ART3: variants seen among roughly 807,000 people sequenced by gnomAD.
ART3 encodes ecto-ADP-ribosyltransferase 3.
In ART3, 49 loss-of-function variants were observed where a neutral mutation model predicts 48.5. The observed-to-expected ratio is 1.01, with a 90% CI of 0.80 to 1.28. The LOEUF (loss-of-function observed/expected upper bound fraction) is 1.28, where lower values mean the gene tolerates loss of function less well. Ranked by LOEUF, ART3 falls within the 50% of genes most tolerant of loss-of-function variation. The pLI, the probability that ART3 is intolerant of heterozygous loss-of-function variation, is 0.00. For missense variants in ART3, 438 were observed against 454.3 expected (o/e 0.96, Z 0.33); for synonymous variants, 145 against 157.2 (o/e 0.92, Z 0.58).
At chr4:76,068,660 G>T (rs1719979390) in intron 1 of ART3, among the ~76,000 whole-genome samples, 1 of 128,202 alleles carries the variant, frequency 7.8e-6, no homozygotes, top group East Asian at 2.4e-4. Context: ...GAGGATAGAG[G>T]ATAAAAAAAA....
At chr4:76,034,081 C>CAGT (rs1174030658) in intron 1 of ART3, 1 of 180,722 alleles carries the variant, frequency 5.5e-6, no homozygotes, top group African/African-American at 2.3e-5. Flanking sequence ...GCACTTTTGC[C>CAGT]AGTATCCCAT....
chr4:76,029,628 A>G (rs1733701222), intron 1 of ART3, among the ~76,000 whole-genome samples: 1 of 152,202 alleles, frequency 6.6e-6, no homozygotes, highest in Non-Finnish European at 1.5e-5. Flanking sequence ...TGCTGACCAT[A>G]TCATAAAGAT....
chr4:76,098,177 G>T (rs1241799909), intron 4 of ART3, among the ~76,000 whole-genome samples: 3 of 147,864 alleles, frequency 2.0e-5, no homozygotes, highest in Non-Finnish European at 3.0e-5. Context: ...TAACTTCCTC[G>T]GGGAAAAATA....
At chr4:76,035,800 G>A (rs1734336771) in intron 1 of ART3, 2 of 775,022 alleles carry the variant, frequency 2.6e-6, no homozygotes, top group African/African-American at 3.5e-5. Flanking sequence ...TGCTAAAGCT[G>A]TAGTAACTTC....
intron 1 of ART3, among the ~76,000 whole-genome samples, chr4:76,059,065 G>A (rs1718939996): frequency 6.6e-6 from 1 of 152,212 alleles, no homozygotes; most frequent in Admixed American, 6.5e-5. Context: ...CACAAGAGTA[G>A]ATTACAGTCT....
intron 3 of ART3, among the ~76,000 whole-genome samples, chr4:76,090,095 A>C (rs1482028141): frequency 6.6e-6 from 1 of 152,122 alleles, no homozygotes; most frequent in African/African-American, 2.4e-5. Flanking sequence ...TAAATAAATA[A>C]ATAAAAATAT....
At chr4:76,036,247 G>C (rs1032995708) in intron 1 of ART3, 12 of 403,596 alleles carry the variant, frequency 3.0e-5, no homozygotes, top group African/African-American at 2.1e-4. Context: ...AAAGTGATAA[G>C]AATGTGAAAG....
At chr4:76,039,251 T>C (rs1345699828) in intron 1 of ART3, among the ~76,000 whole-genome samples, 1 of 152,094 alleles carries the variant, frequency 6.6e-6, no homozygotes, top group African/African-American at 2.4e-5. Flanking sequence ...AGGCATGTGT[T>C]ACCACGCCCA....
upstream of ART3, among the ~76,000 whole-genome samples, chr4:76,072,710 T>C (rs1330207131): frequency 6.6e-6 from 1 of 151,748 alleles, no homozygotes; most frequent in African/African-American, 2.4e-5. Flanking sequence ...GTTCTTACAG[T>C]GGCCTGCAGA....
chr4:76,049,110 T>G (rs2149447876), intron 1 of ART3, among the ~76,000 whole-genome samples: 1 of 152,090 alleles, frequency 6.6e-6, no homozygotes. Context: ...GTCCCCACTA[T>G]GACGGGGCTT....
intron 1 of ART3, among the ~76,000 whole-genome samples, chr4:76,025,516 C>T (rs1191241979): frequency 6.6e-6 from 1 of 152,256 alleles, no homozygotes; most frequent in African/African-American, 2.4e-5. Flanking sequence ...ATTGTTTGAA[C>T]TGCTTTGTGA....
intron 1 of ART3, among the ~76,000 whole-genome samples, chr4:76,011,921 G>A (rs1175656418): frequency 6.6e-6 from 1 of 152,212 alleles, no homozygotes; most frequent in East Asian, 1.9e-4. Flanking sequence ...GGCTAGACAA[G>A]GCTTTTAGGA....
chr4:76,060,486 C>T (rs147583476), intron 1 of ART3, among the ~76,000 whole-genome samples: 1 of 152,280 alleles, frequency 6.6e-6, no homozygotes, highest in East Asian at 1.9e-4. Context: ...ATTATGCTCT[C>T]TATCTGCAAG....
intron 2 of ART3, 46 bp downstream of exon 2, chr4:76,076,004 G>GC (rs1720966113): frequency 1.7e-6 from 2 of 1,194,740 alleles, no homozygotes; most frequent in Admixed American, 2.2e-5. Context: ...ATGGAAATTC[G>GC]TTTTTTTTTT....
chr4:76,088,724 A>T (rs1444322226), intron 3 of ART3, among the ~76,000 whole-genome samples: 1 of 152,192 alleles, frequency 6.6e-6, no homozygotes, highest in Non-Finnish European at 1.5e-5. Context: ...GACATATCCA[A>T]CACCATAAGA....
Position 76,107,782 on chromosome 4 carries a change from T to C in ART3, c.1025T>C (p.Ile342Thr), listed in dbSNP as rs865993011. ...TTAGAAGATAAAAGTCAAGGAAATA[T>C]CAACAATCCTAGTAAGAAGTATCTC... is the stretch of plus-strand genomic sequence containing the variant. ...PLPEDKSQGN[I>T]NNPTPGPVPV... Residue 342 changes from isoleucine (I) to threonine (T), a missense_variant, in exon 11 of 12, where the codon ATC becomes ACC. Ile to Thr is a moderately conservative substitution (Grantham distance 89, BLOSUM62 -1). Transcript: ENST00000355810. 3 of 1,477,270 alleles carry C rather than the reference T, an allele frequency of 2.0e-6. No individual in the cohort carries two copies. Among genetic ancestry groups the C allele is most frequent in the South Asian group, 1.2e-5 (1 of 80,166 alleles). The allele number at this position is 1,477,270 out of a possible 1,614,324, so 91.5% of individuals were successfully genotyped here.
In ART3 at chr4:76,099,123, G is replaced by A. The variant is rs578257802; in HGVS notation, c.847+136G>A. 285 of 756,946 alleles carry A rather than the reference G, an allele frequency of 3.8e-4. 4 individuals are homozygous for A. Among genetic ancestry groups the A allele is most frequent in the South Asian group, 3.3e-3 (222 of 67,754 alleles). 46.9% of individuals were successfully genotyped at this position (756,946 alleles called of 1,614,324 possible). The stretch of plus-strand genomic sequence containing the variant: ...TTGAGACCAGCCTGGGCAACATGGC[G>A]GAACCCCATCTCTACAAAAAATACA... On this transcript the variant is annotated intron_variant, in intron 5 of 11. Coordinates refer to ENST00000355810, the MANE Select transcript of ART3 (RefSeq NM_001130016.3).
chr4:76,071,287 G>A (rs991418536), upstream of ART3, among the ~76,000 whole-genome samples: 48 of 149,214 alleles, frequency 3.2e-4, no homozygotes, highest in African/African-American at 1.1e-3. Flanking sequence ...GCAGTGAGCC[G>A]AGATAGGGAG....
intron 1 of ART3, among the ~76,000 whole-genome samples, chr4:76,025,280 C>T (rs1733274799): frequency 6.6e-6 from 1 of 152,130 alleles, no homozygotes; most frequent in Non-Finnish European, 1.5e-5. Context: ...AGAGAAATGT[C>T]TGACATCATG....
Sources: gnomAD v4.1 joint callset for allele counts (sites outside exome capture counted in the v4.1 genomes callset) on GRCh38, gnomAD v4.1.1 for gene constraint, MANE v1.5 for transcripts, NCBI Gene and HGNC (gene_info 2026-07-23, HGNC 2026-07-21) for gene names.